The following PROM1 variants were observed in gnomAD, a reference collection of about 807,000 sequenced individuals.
PROM1 encodes prominin-1.
A neutral mutation model predicts 116.9 loss-of-function variants in PROM1; 105 were observed. The ratio of observed to expected loss-of-function variants is 0.90; its 90% CI spans 0.77 to 1.06. The LOEUF is 1.06. Ranked by LOEUF, PROM1 falls within the 50% of genes least tolerant of loss-of-function variation. PROM1 has a pLI of 0.00. For synonymous variants in PROM1, 393 were observed against 387.0 expected, an observed-to-expected ratio of 1.02 and a Z score of -0.18; for missense variants, 1,122 against 1,045.2, an observed-to-expected ratio of 1.07 and a Z score of -1.01.
chr4:16,040,200 A>G (rs2149415238), intron 2 of PROM1, among the ~76,000 whole-genome samples: 1 of 152,338 alleles, frequency 6.6e-6, no homozygotes, highest in East Asian at 1.9e-4. Context: ...CTTTCCCACA[A>G]GGCTTTCTGC....
rs542756725 is a variant in PROM1 at position 16,049,764 on chromosome 4, A to G, written c.221-10763T>C. On this transcript the variant is annotated intron_variant, in intron 2 of 27. Transcript: ENST00000447510. ...TATATATAGTTTATTATTATATTCA[A>G]TAGGACATGAACAAGATGATGAATT... Among the ~76,000 whole-genome samples, 33 of 151,906 alleles carry G rather than the reference A, an allele frequency of 2.2e-4. 1 individual carries two copies. The East Asian group carries it at 3.9e-3, about 18-fold the overall frequency.
intron 26 of PROM1, among the ~76,000 whole-genome samples, chr4:15,975,862 A>G (rs1466230420): frequency 6.6e-6 from 1 of 152,230 alleles, no homozygotes; most frequent in Non-Finnish European, 1.5e-5. Flanking sequence ...ACCATGAAAG[A>G]TGCTTCAGCG....
rs4377590 is a variant in PROM1, at chr4:15,970,884, T to A, written c.*24+159A>T. ...AATCGGTGGATGTGGAACCTGCAGGTACAGAGGGTGGACTGGACATATAAA... is the reference window on the plus strand; with the variant it reads ...AATCGGTGGATGTGGAACCTGCAGGAACAGAGGGTGGACTGGACATATAAA... On this transcript the variant is annotated intron_variant, in intron 27 of 27. Transcript: ENST00000447510. Among the ~76,000 whole-genome samples, 423 of 152,316 alleles carry A rather than the reference T, an allele frequency of 2.8e-3. 2 individuals carry two copies. Among genetic ancestry groups the A allele is most frequent in the South Asian group, 0.027 (129 of 4,822 alleles).
rs957369501 is a variant in PROM1, at chr4:16,005,842, C to T, written c.1454+696G>A. On this transcript the variant is annotated intron_variant, in intron 13 of 27. Coordinates refer to ENST00000447510, the MANE Select transcript of PROM1 (RefSeq NM_006017.3). ...CAGAGCATTCAAAGCCATTACACCA[C>T]ATCCTAGCTTACATTTCTGGCTCTG... Among the ~76,000 whole-genome samples the T allele has an allele frequency of 6.6e-4, 101 of 152,326 alleles. 1 individual carries two copies. The highest frequency in any genetic ancestry group is 2.4e-3 in the African/African-American group (98 of 41,570).
intron 2 of PROM1, among the ~76,000 whole-genome samples, chr4:16,056,326 T>C (rs1452161853): frequency 6.6e-6 from 1 of 151,858 alleles, no homozygotes; most frequent in Non-Finnish European, 1.5e-5. Context: ...CGCAGGACTG[T>C]GGGTGCTCAC....
At chr4:15,999,402 C>T (rs756293201) in intron 14 of PROM1, among the ~76,000 whole-genome samples, 1 of 151,490 alleles carries the variant, frequency 6.6e-6, no homozygotes, top group Non-Finnish European at 1.5e-5. Context: ...AACCGGGAGG[C>T]GGAGCTGGCA....
intron 7 of PROM1, 122 bp from the exon 8 acceptor site, chr4:16,023,537 C>G: frequency 2.8e-6 from 2 of 718,192 alleles, no homozygotes; most frequent in Non-Finnish European, 4.7e-6. Flanking sequence ...ATCCTGGACC[C>G]TGTCTAGGGG....
chr4:16,037,129 G>T (rs950946), intron 3 of PROM1, among the ~76,000 whole-genome samples: 19,934 of 152,146 alleles, frequency 0.13, 1,747 homozygotes, highest in East Asian at 0.32. Flanking sequence ...AGGGTCTCAG[G>T]ACCTCGTTCT....
chr4:16,054,078 T>C (rs1299476647), intron 2 of PROM1, among the ~76,000 whole-genome samples: 1 of 152,164 alleles, frequency 6.6e-6, no homozygotes, highest in East Asian at 1.9e-4. Context: ...TGGGTGACAG[T>C]GCAAGACTCT....
chr4:16,062,015 C>A (rs1740445474), intron 2 of PROM1, among the ~76,000 whole-genome samples: 1 of 151,774 alleles, frequency 6.6e-6, no homozygotes, highest in African/African-American at 2.4e-5. Flanking sequence ...CCTCAGCCCC[C>A]GGAGTAGCTG....
At chr4:15,980,946 G>GTTATTTATTTATTTATTCAT (rs1717725405) in intron 23 of PROM1, among the ~76,000 whole-genome samples, 2 of 145,232 alleles carry the variant, frequency 1.4e-5, no homozygotes, top group Admixed American at 1.4e-4. Flanking sequence ...CTTATGAGTT[G>GTTATTTATTTATTTATTCAT]TTATTTATTT....
intron 4 of PROM1, among the ~76,000 whole-genome samples, chr4:16,034,090 T>C (rs1733426717): frequency 6.6e-6 from 1 of 152,140 alleles, no homozygotes; most frequent in African/African-American, 2.4e-5. Context: ...CAAAGGTATT[T>C]TGTTTGTTTT....
At chr4:15,989,325 C>G (rs1445653809) in intron 19 of PROM1, among the ~76,000 whole-genome samples, 1 of 130,708 alleles carries the variant, frequency 7.7e-6, no homozygotes, top group Non-Finnish European at 1.7e-5. Context: ...CAACGCCCAT[C>G]GAGACAGCAG....
chr4:15,970,776 ATTG>A (rs1342018833), intron 27 of PROM1, among the ~76,000 whole-genome samples: 1 of 148,894 alleles, frequency 6.7e-6, no homozygotes, highest in Non-Finnish European at 1.5e-5. Flanking sequence ...GTTATACTGT[ATTG>A]TTTTTATTAT....
At chr4:16,059,251 G>A (rs772809025) in intron 2 of PROM1, among the ~76,000 whole-genome samples, 1 of 152,166 alleles carries the variant, frequency 6.6e-6, no homozygotes, top group Non-Finnish European at 1.5e-5. Context: ...CCTTGGCTAA[G>A]TGAGTTACCC....
In PROM1 at chr4:16,017,026, G is replaced by A. The variant is rs566891523; in HGVS notation, c.1003-786C>T. ...ACACTGTGGATTAAATGGTAGTGTCGGGTCAATGTTATCCTAATTTTGATC... is the reference window on the plus strand; with the variant it reads ...ACACTGTGGATTAAATGGTAGTGTCAGGTCAATGTTATCCTAATTTTGATC... On this transcript the variant is annotated intron_variant, in intron 9 of 27. Coordinates refer to ENST00000447510, the MANE Select transcript of PROM1 (RefSeq NM_006017.3). Among the ~76,000 whole-genome samples, 10 of 152,212 alleles carry A rather than the reference G, an allele frequency of 6.6e-5. No homozygotes were observed. The East Asian group carries it at 1.5e-3, about 23-fold the overall frequency.
At position 16,018,367 on chromosome 4, in the gene PROM1, T is replaced by G. The variant is rs1043647793; in HGVS notation, c.958A>C (p.Arg320=). 1 of 1,613,596 alleles carries G rather than the reference T, an allele frequency of 6.2e-7. No homozygotes were observed. Among genetic ancestry groups the G allele is most frequent in the African/African-American group, 1.3e-5 (1 of 74,928 alleles). The change falls in exon 9 of 28, where the codon AGA becomes CGA. Residue 320 remains arginine, a synonymous_variant. Coordinates refer to ENST00000447510, the MANE Select transcript of PROM1 (RefSeq NM_006017.3). ...HPSSETCNSI[R]LSLSQLNSNP... ...CTATTCAGCTGGCTTAGAGACAATCTGATGCTGTTGCAGGTTTCACTTGAT... is the reference window on the plus strand; with the variant it reads ...CTATTCAGCTGGCTTAGAGACAATCGGATGCTGTTGCAGGTTTCACTTGAT...
chr4:16,065,683 A>G (rs1010310599), intron 2 of PROM1, among the ~76,000 whole-genome samples: 2 of 152,220 alleles, frequency 1.3e-5, no homozygotes, highest in African/African-American at 2.4e-5. Flanking sequence ...TCAGGTTTCA[A>G]TCTGATTCTG....
Position 15,987,613 on chromosome 4 carries a change from G to T in PROM1, c.2130+50C>A, listed in dbSNP as rs927407300. On this transcript the variant is annotated intron_variant, in intron 20 of 27. Coordinates refer to ENST00000447510, the MANE Select transcript of PROM1 (RefSeq NM_006017.3). The stretch of plus-strand genomic sequence containing the variant: ...AATCCACATTTCTAGCATTCTTTGT[G>T]TGGTATTTTATAACAAAACCCCATG... 5.2e-6 allele frequency: 8 copies of T among 1,526,444 alleles called. No individual in the cohort carries two copies. In the African/African-American group the frequency reaches 9.7e-5, roughly 19 times the overall value. 94.6% of individuals were successfully genotyped at this position (1,526,444 alleles called of 1,614,324 possible).
Sources: allele counts gnomAD v4.1 joint callset (sites outside exome capture counted in the v4.1 genomes callset), GRCh38; gene constraint gnomAD v4.1.1; transcripts MANE v1.5; gene names NCBI Gene and HGNC (gene_info 2026-07-23, HGNC 2026-07-21).